GABPB1: variants seen among roughly 807,000 people sequenced by gnomAD.
GABPB1 encodes the protein GA binding protein transcription factor subunit beta 1, also known as GA-binding protein subunit beta-1.
In GABPB1, 15 loss-of-function variants were observed where a neutral mutation model predicts 45.9. The observed-to-expected ratio is 0.33, with a 90% CI of 0.22 to 0.50. The LOEUF is 0.50. Ranked by LOEUF, GABPB1 falls within the 20% of genes least tolerant of loss-of-function variation. The pLI is 0.98. For synonymous variants in GABPB1, 143 were observed against 154.4 expected, an observed-to-expected ratio of 0.93 and a Z score of 0.55; for missense variants, 252 against 457.5, an observed-to-expected ratio of 0.55 and a Z score of 4.10.
chr15:50,350,154 T>C (rs559283024), intron 1 of GABPB1: 26 of 152,054 alleles, frequency 1.7e-4, no homozygotes, highest in African/African-American at 6.0e-4. Flanking sequence ...TACCATATAA[T>C]GATCAATAGT....
At chr15:50,337,075 G>GCATATA (rs2048162396) in intron 1 of GABPB1, among the ~76,000 whole-genome samples, 1 of 14,212 alleles carries the variant, frequency 7.0e-5, no homozygotes, top group Non-Finnish European at 1.3e-4. Context: ...ATATGTGTGT[G>GCATATA]TATATATATA....
intron 1 of GABPB1, among the ~76,000 whole-genome samples, chr15:50,339,935 C>T (rs1192203121): frequency 1.3e-5 from 2 of 152,334 alleles, no homozygotes; most frequent in South Asian, 4.1e-4. Context: ...ATCTTCCACT[C>T]TTCCCTCTGC....
chr15:50,299,942 G>A (rs2046667894), intron 6 of GABPB1, among the ~76,000 whole-genome samples: 1 of 151,944 alleles, frequency 6.6e-6, no homozygotes, highest in Non-Finnish European at 1.5e-5. Context: ...TCAGCCTCCT[G>A]AGCAGCTGGG....
rs1463133333 is a variant in GABPB1, at chr15:50,275,500, A to C, written c.*3132T>G. On this transcript the variant is annotated 3_prime_UTR_variant, in exon 9 of 9. Coordinates refer to ENST00000380877, the MANE Select transcript of GABPB1 (RefSeq NM_016654.5). ...CAAAAATATCATAAATGTAAAATGC[A>C]ATTAATACCCTGATAAACCCATTGT... 6.6e-6 allele frequency: 1 copy of C among 152,208 alleles called. No homozygotes were observed. The highest frequency in any genetic ancestry group is 1.9e-4 in the East Asian group (1 of 5,194). 9.4% of individuals were successfully genotyped at this position (152,208 alleles called of 1,614,324 possible). A position where few individuals can be genotyped will look rare whatever the true frequency, so the allele number is the denominator to read the frequency against.
intron 7 of GABPB1, among the ~76,000 whole-genome samples, chr15:50,286,435 CA>C (rs2046158502): frequency 6.6e-6 from 1 of 151,860 alleles, no homozygotes; most frequent in South Asian, 2.1e-4. Context: ...TATATTCATT[CA>C]TGACTCAAAA....
intron 8 of GABPB1, among the ~76,000 whole-genome samples, chr15:50,283,230 G>A (rs1227067809): frequency 6.6e-6 from 1 of 151,642 alleles, no homozygotes; most frequent in Non-Finnish European, 1.5e-5. Flanking sequence ...ATAGTCTAAC[G>A]TTTATTTTTG....
At chr15:50,295,212 G>A (rs911105392) in intron 6 of GABPB1, among the ~76,000 whole-genome samples, 3 of 152,086 alleles carry the variant, frequency 2.0e-5, no homozygotes, top group Non-Finnish European at 4.4e-5. Flanking sequence ...CTGGTTGACT[G>A]CATTAGATTC....
chr15:50,289,556 A>G lies in GABPB1; in HGVS notation c.810T>C (p.Leu270=). The G allele has an allele frequency of 6.2e-7, 1 of 1,613,628 alleles. No individual in the cohort carries two copies. Among genetic ancestry groups the G allele is most frequent in the African/African-American group, 1.3e-5 (1 of 74,940 alleles). ...VITIVTDGIQ[L]GNLHSIPTSG... is the part of the protein sequence containing the mutation. The stretch of plus-strand genomic sequence containing the variant: ...TGGTTGGAATAGAGTGCAAATTTCC[A>G]AGCTGAATTCCATCTGTAACTATTG... The change falls in exon 7 of 9, where the codon CTT becomes CTC. Residue 270 remains leucine, a synonymous_variant. Coordinates refer to ENST00000380877, the MANE Select transcript of GABPB1 (RefSeq NM_016654.5).
intron 1 of GABPB1, among the ~76,000 whole-genome samples, chr15:50,345,933 G>A (rs539992278): frequency 4.4e-4 from 67 of 151,932 alleles, no homozygotes; most frequent in African/African-American, 1.5e-3. Context: ...GGATCGTCTC[G>A]ATCTCCTGAC....
At chr15:50,320,566 C>A (rs2047530721) in intron 1 of GABPB1, among the ~76,000 whole-genome samples, 1 of 152,274 alleles carries the variant, frequency 6.6e-6, no homozygotes, top group South Asian at 2.1e-4. Flanking sequence ...GAATAATGCT[C>A]CCCCAAAGAT....
intron 2 of GABPB1, among the ~76,000 whole-genome samples, chr15:50,305,552 G>A (rs553891963): frequency 6.6e-6 from 1 of 152,190 alleles, no homozygotes; most frequent in South Asian, 2.1e-4. Context: ...CATCCCAGCA[G>A]ATCAAAGAAG....
At position 50,307,701 on chromosome 15, in the gene GABPB1, C is replaced by CAA. The variant is rs35298471; in HGVS notation, c.108+1988_108+1989dup. Among the ~76,000 whole-genome samples the CAA allele has an allele frequency of 2.5e-3, 323 of 131,648 alleles. 1 individual carries two copies. The highest frequency in any genetic ancestry group is 5.2e-3 in the African/African-American group (183 of 34,884). 86.4% of individuals were successfully genotyped at this position (131,648 alleles called of 152,430 possible). A position where few individuals can be genotyped will look rare whatever the true frequency, so the allele number is the denominator to read the frequency against. On this transcript the variant is annotated intron_variant, in intron 2 of 8. Transcript: ENST00000380877. ...CAGGCAACAGTGTGAGACTCCATCT[C>CAA]AAAAAAAAAAAAAAAGATCTTTTTG...
intron 1 of GABPB1, among the ~76,000 whole-genome samples, chr15:50,343,967 T>C (rs1237504453): frequency 2.0e-5 from 3 of 152,236 alleles, no homozygotes; most frequent in Non-Finnish European, 2.9e-5. Flanking sequence ...TTTTACTCAT[T>C]ACCACCTAAC....
chr15:50,340,567 A>C (rs1485163319), intron 1 of GABPB1, among the ~76,000 whole-genome samples: 2 of 133,308 alleles, frequency 1.5e-5, no homozygotes, highest in Non-Finnish European at 3.3e-5. Flanking sequence ...AAAAAAAAAA[A>C]AAAACATTAC....
intron 1 of GABPB1, among the ~76,000 whole-genome samples, chr15:50,312,423 C>T (rs778625072): frequency 8.5e-5 from 13 of 152,104 alleles, no homozygotes; most frequent in Non-Finnish European, 1.5e-4. Context: ...AGCCAAGATA[C>T]TCCTCAATCC....
At chr15:50,298,498 G>C (rs954347107) in intron 6 of GABPB1, among the ~76,000 whole-genome samples, 3 of 152,198 alleles carry the variant, frequency 2.0e-5, no homozygotes, top group Non-Finnish European at 4.4e-5. Context: ...GTATTAAATA[G>C]ATCCAGGCAT....
chr15:50,292,080 A>G (rs1288936685), intron 6 of GABPB1, among the ~76,000 whole-genome samples: 1 of 151,424 alleles, frequency 6.6e-6, no homozygotes, highest in Non-Finnish European at 1.5e-5. Flanking sequence ...CATGCCTGTA[A>G]TCCCAGCACT....
intron 1 of GABPB1, among the ~76,000 whole-genome samples, chr15:50,322,009 A>G (rs2047589987): frequency 6.6e-6 from 1 of 151,828 alleles, no homozygotes; most frequent in Non-Finnish European, 1.5e-5. Context: ...TCTGAGGTCA[A>G]TTCGGTTTTC....
At chr15:50,336,763 T>A (rs985239987) in intron 1 of GABPB1, among the ~76,000 whole-genome samples, 1 of 151,212 alleles carries the variant, frequency 6.6e-6, no homozygotes, top group African/African-American at 2.4e-5. Flanking sequence ...TATATATCGA[T>A]ATTGGTCTAT....
Sources: gnomAD v4.1 joint callset for allele counts (sites outside exome capture counted in the v4.1 genomes callset) on GRCh38, gnomAD v4.1.1 for gene constraint, MANE v1.5 for transcripts, NCBI Gene and HGNC (gene_info 2026-07-23, HGNC 2026-07-21) for gene names.